Variants in THSD4 observed in about 807,000 individuals in gnomAD.
THSD4 encodes thrombospondin type 1 domain containing 4.
THSD4 carries 69 observed loss-of-function variants against 119.0 expected under a neutral mutation model. That is an observed-to-expected ratio of 0.58 (90% CI 0.48 to 0.71). THSD4 has a LOEUF of 0.71. Ranked by LOEUF, THSD4 falls within the 30% of genes least tolerant of loss-of-function variation. The pLI is 0.00. For missense variants in THSD4, 1,393 were observed against 1,391.1 expected (o/e 1.00, Z -0.02); for synonymous variants, 524 against 540.4 (o/e 0.97, Z 0.42).
intron 7 of THSD4, among the ~76,000 whole-genome samples, chr15:71,590,345 T>TTGA (rs10631229): frequency 0.94 from 127,913 of 136,448 alleles, 61,257 homozygotes; most frequent in Middle Eastern, 1. Flanking sequence ...CTGGACTAGG[T>TTGA]TGATAGGAAT....
rs571379148 is a variant in THSD4 at position 71,660,743 on chromosome 15, G to C, written c.1357+9G>C. 9.8e-5 allele frequency: 158 copies of C among 1,613,920 alleles called. 1 individual carries two copies. The South Asian group carries it at 1.7e-3, about 17-fold the overall frequency. On this transcript the variant is annotated intron_variant, in intron 8 of 17. Transcript: ENST00000261862. ...GAGCAACAACTATTTGGGTAAGCTT[G>C]GTCTTTTTCCAGAGAAAACCGTCTG...
At chr15:71,213,340 T>A (rs2043902954) in intron 3 of THSD4, among the ~76,000 whole-genome samples, 1 of 152,218 alleles carries the variant, frequency 6.6e-6, no homozygotes, top group Non-Finnish European at 1.5e-5. Flanking sequence ...GGATGATCTC[T>A]TCTTGAGATG....
chr15:71,764,100 A>G (rs1223039867), intron 15 of THSD4, among the ~76,000 whole-genome samples: 1 of 150,468 alleles, frequency 6.6e-6, no homozygotes, highest in East Asian at 2.0e-4. Flanking sequence ...GAACGAATGA[A>G]CCAGGCAAGG....
At chr15:71,389,810 G>GTTGTTTTTTTTTT (rs2046348588) in intron 6 of THSD4, among the ~76,000 whole-genome samples, 3 of 88,000 alleles carry the variant, frequency 3.4e-5, no homozygotes, top group Non-Finnish European at 4.3e-5. Context: ...TTTCTGGGTT[G>GTTGTTTTTTTTTT]TTTTTTTTTT....
At chr15:71,559,972 A>G (rs368497132) in intron 7 of THSD4, among the ~76,000 whole-genome samples, 1 of 152,180 alleles carries the variant, frequency 6.6e-6, no homozygotes, top group African/African-American at 2.4e-5. Context: ...TTAGTCTAAA[A>G]ACTAATGCTA....
chr15:71,642,157 A>G (rs552102006), intron 7 of THSD4, among the ~76,000 whole-genome samples: 36 of 152,344 alleles, frequency 2.4e-4, no homozygotes, highest in African/African-American at 8.7e-4. Flanking sequence ...GTCAAACAAA[A>G]TCAGATAGAC....
intron 7 of THSD4, among the ~76,000 whole-genome samples, chr15:71,473,588 A>G (rs562164191): frequency 1.8e-4 from 28 of 152,264 alleles, no homozygotes; most frequent in African/African-American, 5.8e-4. Context: ...ATTGTAAGGA[A>G]TGTAGTCTAC....
At chr15:71,386,697 A>G (rs1185308968) in intron 6 of THSD4, among the ~76,000 whole-genome samples, 1 of 152,190 alleles carries the variant, frequency 6.6e-6, no homozygotes, top group African/African-American at 2.4e-5. Context: ...CTAAAACATG[A>G]TGGTTTGTTT....
chr15:71,716,036 GA>G (rs1177548453), intron 8 of THSD4, among the ~76,000 whole-genome samples: 5 of 152,164 alleles, frequency 3.3e-5, no homozygotes, highest in African/African-American at 1.2e-4. Flanking sequence ...CCAGAATTCT[GA>G]AATCAAGGTG....
chr15:71,403,896 C>G (rs1305725108), intron 6 of THSD4, among the ~76,000 whole-genome samples: 2 of 152,216 alleles, frequency 1.3e-5, no homozygotes, highest in African/African-American at 4.8e-5. Flanking sequence ...AATCTTCTAT[C>G]TTCTGTTTGT....
intron 8 of THSD4, among the ~76,000 whole-genome samples, chr15:71,674,073 G>A (rs2051589821): frequency 6.6e-6 from 1 of 152,220 alleles, no homozygotes; most frequent in Non-Finnish European, 1.5e-5. Flanking sequence ...CTTCTTCTGT[G>A]CGTCTCCTGT....
chr15:71,724,287 A>ATATATATATATATATTTTTTTT, intron 8 of THSD4, among the ~76,000 whole-genome samples: 1 of 37,282 alleles, frequency 2.7e-5, no homozygotes, highest in Non-Finnish European at 6.1e-5. Context: ...ATATATATAT[A>ATATATATATATATATTTTTTTT]TTTTTTTTTT....
chr15:71,298,922 C>G (rs960362593), intron 6 of THSD4, among the ~76,000 whole-genome samples: 2 of 152,178 alleles, frequency 1.3e-5, no homozygotes. Context: ...CAGTGCTGAC[C>G]TTTTATTTCA....
intron 6 of THSD4, among the ~76,000 whole-genome samples, chr15:71,257,624 G>T (rs1422432626): frequency 6.6e-6 from 1 of 152,180 alleles, no homozygotes; most frequent in Admixed American, 6.5e-5. Context: ...GAGTTGTGAT[G>T]ATTTTATTGC....
intron 7 of THSD4, among the ~76,000 whole-genome samples, chr15:71,483,369 A>G (rs2047763724): frequency 6.6e-6 from 1 of 152,288 alleles, no homozygotes; most frequent in East Asian, 1.9e-4. Context: ...TGGTTTCATA[A>G]TAGGTCAAAG....
chr15:71,362,899 G>T (rs1393238639), intron 6 of THSD4, among the ~76,000 whole-genome samples: 3 of 150,108 alleles, frequency 2.0e-5, no homozygotes, highest in Non-Finnish European at 2.9e-5. Context: ...GTCTAATCTT[G>T]GCTTCCCTGG....
intron 5 of THSD4, among the ~76,000 whole-genome samples, chr15:71,246,327 T>C (rs1207119611): frequency 6.6e-6 from 1 of 152,166 alleles, no homozygotes; most frequent in Non-Finnish European, 1.5e-5. Context: ...CTCCCCTATC[T>C]GAACATCTTC....
intron 1 of THSD4, among the ~76,000 whole-genome samples, chr15:71,130,446 G>C (rs953779584): frequency 2.6e-5 from 4 of 151,868 alleles, no homozygotes; most frequent in African/African-American, 9.7e-5. Context: ...TTGGCCTCCC[G>C]AAGTGCTGGG....
intron 1 of THSD4, among the ~76,000 whole-genome samples, chr15:71,133,396 A>T (rs949389102): frequency 3.9e-5 from 6 of 152,212 alleles, no homozygotes; most frequent in Non-Finnish European, 8.8e-5. Context: ...GTTTGAATGG[A>T]AGACCTTTCT....
Sources: gnomAD v4.1 joint callset for allele counts (sites outside exome capture counted in the v4.1 genomes callset) on GRCh38, gnomAD v4.1.1 for gene constraint, MANE v1.5 for transcripts, NCBI Gene and HGNC (gene_info 2026-07-23, HGNC 2026-07-21) for gene names.